Variants in CAGE1 observed in about 807,000 individuals in gnomAD.
CAGE1 encodes the protein cancer-associated gene 1 protein.
A neutral mutation model predicts 94.9 loss-of-function variants in CAGE1; 66 were observed. The observed-to-expected ratio is 0.70, with a 90% CI of 0.57 to 0.85. The LOEUF (loss-of-function observed/expected upper bound fraction) is 0.85. CAGE1 is among the 40% of genes least tolerant of loss of function. The pLI is 0.00. For synonymous variants in CAGE1, 319 were observed against 321.0 expected, an observed-to-expected ratio of 0.99 and a Z score of 0.07; for missense variants, 865 against 950.4, an observed-to-expected ratio of 0.91 and a Z score of 1.18.
chr6:7,345,309 T>C (rs1262159941), intron 11 of CAGE1, among the ~76,000 whole-genome samples: 1 of 152,130 alleles, frequency 6.6e-6, no homozygotes, highest in Non-Finnish European at 1.5e-5. Flanking sequence ...CAGTTTTATT[T>C]CTGAACCAGC....
intron 11 of CAGE1, among the ~76,000 whole-genome samples, chr6:7,344,544 C>G (rs1319224213): frequency 2.0e-5 from 3 of 152,238 alleles, no homozygotes; most frequent in Admixed American, 2.0e-4. Context: ...TGGATGAGCG[C>G]CGCCCCCTGC....
intron 12 of CAGE1, among the ~76,000 whole-genome samples, chr6:7,332,081 C>T (rs1040712723): frequency 1.3e-5 from 2 of 152,164 alleles, no homozygotes; most frequent in Non-Finnish European, 2.9e-5. Context: ...TTAATCTTCA[C>T]TCAAAAGCAG....
chr6:7,358,051 T>TGC, intron 9 of CAGE1, among the ~76,000 whole-genome samples: 1 of 121,486 alleles, frequency 8.2e-6, no homozygotes, highest in African/African-American at 3.3e-5. Flanking sequence ...TATATATATA[T>TGC]ATATATATAT....
chr6:7,377,578 C>CA (rs1159285550), intron 4 of CAGE1, among the ~76,000 whole-genome samples: 150 of 150,836 alleles, frequency 9.9e-4, no homozygotes, highest in Admixed American at 5.1e-3. Flanking sequence ...ACTAAAAATA[C>CA]AAAAAAAAAT....
intron 3 of CAGE1, among the ~76,000 whole-genome samples, chr6:7,385,423 C>T (rs1203955556): frequency 6.6e-6 from 1 of 152,114 alleles, no homozygotes; most frequent in Non-Finnish European, 1.5e-5. Flanking sequence ...CTGCCTTGGC[C>T]TTCCAAAGCA....
chr6:7,333,163 C>T (rs546508259), intron 12 of CAGE1, among the ~76,000 whole-genome samples: 1 of 152,176 alleles, frequency 6.6e-6, no homozygotes, highest in African/African-American at 2.4e-5. Context: ...GTTGGCCAGG[C>T]TAGTCTTGAA....
At chr6:7,345,839 G>A (rs1017822309) in intron 11 of CAGE1, among the ~76,000 whole-genome samples, 1 of 151,910 alleles carries the variant, frequency 6.6e-6, no homozygotes, top group Non-Finnish European at 1.5e-5. Flanking sequence ...GCAGGAGAAT[G>A]GTGTGAACCC....
chr6:7,335,174 T>C (rs1385958878), intron 11 of CAGE1, among the ~76,000 whole-genome samples: 3 of 152,250 alleles, frequency 2.0e-5, no homozygotes, highest in South Asian at 2.1e-4. Flanking sequence ...CCCCCTCTTA[T>C]AAGGACCCCT....
intron 9 of CAGE1, among the ~76,000 whole-genome samples, chr6:7,365,176 A>G (rs1760284525): frequency 1.3e-5 from 2 of 152,238 alleles, no homozygotes; most frequent in East Asian, 1.9e-4. Context: ...ATGCAACAGT[A>G]TTAGTGTACT....
chr6:7,353,268 G>A (rs1424984658), intron 11 of CAGE1, among the ~76,000 whole-genome samples: 3 of 152,046 alleles, frequency 2.0e-5, no homozygotes, highest in South Asian at 2.1e-4. Context: ...TATACAAGTG[G>A]CCAACAAACA....
Position 7,378,808 on chromosome 6 carries a change from GA to G in CAGE1, c.495del (p.Pro166GlnfsTer28). 6.2e-7 allele frequency: 1 copy of G among 1,613,566 alleles called. No homozygotes were observed. On this transcript the variant is annotated frameshift_variant, in exon 4 of 14. Coordinates refer to ENST00000502583, the MANE Select transcript of CAGE1 (RefSeq NM_001170692.2). LOFTEE classifies it high-confidence loss of function. ...TTTGCAGAAACACTAGTTTCCATTGGATTTTCTTCCTTAAATGAGTCTTGCT... is the reference window on the plus strand; with the variant it reads ...TTTGCAGAAACACTAGTTTCCATTGGTTTTCTTCCTTAAATGAGTCTTGCT... ...NIKQDSFKEE[N>X]PMETSVSANT...
At chr6:7,357,179 CAACT>C (rs757977338) in intron 9 of CAGE1, among the ~76,000 whole-genome samples, 99 of 152,254 alleles carry the variant, frequency 6.5e-4, no homozygotes, top group Non-Finnish European at 1.2e-3. Context: ...GCAGAAATAG[CAACT>C]TTCTTTCTCT....
chr6:7,345,332 C>T (rs1300451250), intron 11 of CAGE1, among the ~76,000 whole-genome samples: 3 of 150,912 alleles, frequency 2.0e-5, no homozygotes, highest in African/African-American at 4.9e-5. Context: ...GACCACTAAA[C>T]CCAGCAGGAT....
Position 7,368,807 on chromosome 6 carries a change from A to T in CAGE1, c.1894-9T>A. ...TCAGAATTGATGATGTCCTAAGGGTAAGAGTTTCAGAAGCTAGATGAAAAA... is the reference window on the plus strand; with the variant it reads ...TCAGAATTGATGATGTCCTAAGGGTTAGAGTTTCAGAAGCTAGATGAAAAA... On this transcript the variant is annotated splice_polypyrimidine_tract_variant and intron_variant, in intron 6 of 13. Coordinates refer to ENST00000502583, the MANE Select transcript of CAGE1 (RefSeq NM_001170692.2). 1 of 1,491,544 alleles carries T rather than the reference A, an allele frequency of 6.7e-7. No individual in the cohort carries two copies. Among genetic ancestry groups the T allele is most frequent in the South Asian group, 1.3e-5 (1 of 75,454 alleles). 92.4% of individuals were successfully genotyped at this position (1,491,544 alleles called of 1,614,324 possible). A position where few individuals can be genotyped will look rare whatever the true frequency, so the allele number is the denominator to read the frequency against.
rs1211411195 is a variant in CAGE1, at chr6:7,370,009, CCT to C, written c.1801_1802del (p.Arg601AlafsTer36). 6.2e-7 allele frequency: 1 copy of C among 1,613,710 alleles called. No homozygotes were observed. The highest frequency in any genetic ancestry group is 8.5e-7 in the Non-Finnish European group (1 of 1,179,756). On this transcript the variant is annotated frameshift_variant, in exon 6 of 14. Transcript: ENST00000502583. LOFTEE classifies it high-confidence loss of function. ...CTCTTTTTATATCTGCAGGATTCAG[CCT>C]CTCTTCACAAGGTGAGCAATCCGGG... The part of the protein sequence containing the change: ...LLPDCSPCEE[R>X]LNPADIKRAS...
chr6:7,357,367 A>G (rs1759993752), intron 9 of CAGE1, among the ~76,000 whole-genome samples: 1 of 152,132 alleles, frequency 6.6e-6, no homozygotes, highest in Admixed American at 6.5e-5. Flanking sequence ...TTTTCATCCC[A>G]TCTCCTCACT....
rs765118787 is a variant in CAGE1 at position 7,378,955 on chromosome 6, A to G, written c.349T>C (p.Ser117Pro). The G allele has an allele frequency of 3.2e-6, 5 of 1,580,458 alleles. No homozygotes were observed. The highest frequency in any genetic ancestry group is 3.7e-5 in the Admixed American group (2 of 53,716). ...CAAACGGTTTCAAATTGTCTCAAGG[A>G]AGATATGCTGATGGTGTCAACTGGC... ...IQPVDTISIS[S>P]LRQFETVCKF... The change falls in exon 4 of 14, where the codon TCC (serine) becomes CCC (proline). Residue 117 changes from serine (S) to proline (P), a missense_variant. By Grantham distance (74) the Ser-to-Pro change is moderately conservative. Coordinates refer to ENST00000502583, the MANE Select transcript of CAGE1 (RefSeq NM_001170692.2).
rs1581669345 is a variant in CAGE1, at chr6:7,346,009, G to A, written c.2369+9032C>T. On this transcript the variant is annotated intron_variant, in intron 11 of 13. Coordinates refer to ENST00000502583, the MANE Select transcript of CAGE1 (RefSeq NM_001170692.2). The stretch of plus-strand genomic sequence containing the variant: ...CTATTAAATTTTAGCAGAATCAATA[G>A]ACTAGCACCAATTTAAAAGAATATT... 2.0e-5 allele frequency among the ~76,000 whole-genome samples: 3 copies of A among 152,284 alleles called. No individual in the cohort carries two copies. The South Asian group carries it at 6.2e-4, about 32-fold the overall frequency.
At chr6:7,347,945 C>T (rs1759624307) in intron 11 of CAGE1, among the ~76,000 whole-genome samples, 1 of 152,034 alleles carries the variant, frequency 6.6e-6, no homozygotes, top group Non-Finnish European at 1.5e-5. Flanking sequence ...AGCTCAGACA[C>T]ACCAAGCCCT....
Sources: gnomAD v4.1 joint callset for allele counts (sites outside exome capture counted in the v4.1 genomes callset) on GRCh38, gnomAD v4.1.1 for gene constraint, MANE v1.5 for transcripts, NCBI Gene and HGNC (gene_info 2026-07-23, HGNC 2026-07-21) for gene names.